ZFAND3: variants seen among roughly 807,000 people sequenced by gnomAD.
ZFAND3 encodes AN1-type zinc finger protein 3.
ZFAND3 carries 10 observed loss-of-function variants against 29.6 expected under a neutral mutation model. The ratio of observed to expected loss-of-function variants is 0.34; its 90% CI spans 0.21 to 0.57. The LOEUF (loss-of-function observed/expected upper bound fraction) is 0.57. Ranked by LOEUF, ZFAND3 falls within the 20% of genes least tolerant of loss-of-function variation. ZFAND3 has a pLI of 0.86. For synonymous variants in ZFAND3, 128 were observed against 112.6 expected, an observed-to-expected ratio of 1.14 and a Z score of -0.87; for missense variants, 230 against 304.5, an observed-to-expected ratio of 0.76 and a Z score of 1.82.
chr6:38,030,503 T>A (rs1195080408), intron 2 of ZFAND3, among the ~76,000 whole-genome samples: 2 of 152,110 alleles, frequency 1.3e-5, no homozygotes, highest in Non-Finnish European at 2.9e-5. Flanking sequence ...GGAACAATCA[T>A]AATATAGCTA....
At chr6:37,900,901 G>C (rs578109676) in intron 1 of ZFAND3, among the ~76,000 whole-genome samples, 10 of 152,268 alleles carry the variant, frequency 6.6e-5, no homozygotes, top group Middle Eastern at 3.4e-3. Context: ...TTTAAAATAG[G>C]ATATACCTTA....
chr6:38,132,961 C>T (rs1207620357), intron 5 of ZFAND3, among the ~76,000 whole-genome samples: 3 of 152,186 alleles, frequency 2.0e-5, no homozygotes, highest in African/African-American at 2.4e-5. Context: ...GCCCAGCTCC[C>T]GCAGTAACAA....
intron 4 of ZFAND3, among the ~76,000 whole-genome samples, chr6:38,091,722 C>CTG (rs1201906161): frequency 6.8e-6 from 1 of 146,542 alleles, no homozygotes; most frequent in Non-Finnish European, 1.5e-5. Flanking sequence ...CACTCAGTTC[C>CTG]TGGCTCTACT....
chr6:37,896,465 G>T (rs6905848), intron 1 of ZFAND3, among the ~76,000 whole-genome samples: 2 of 151,462 alleles, frequency 1.3e-5, no homozygotes, highest in African/African-American at 4.9e-5. Flanking sequence ...TACATTCTTT[G>T]TATCTGTGTT....
intron 4 of ZFAND3, among the ~76,000 whole-genome samples, chr6:38,103,484 C>CGTGT (rs1322614049): frequency 0.098 from 525 of 5,342 alleles, 4 homozygotes; most frequent in Middle Eastern, 0.38. Flanking sequence ...TATATACACA[C>CGTGT]ATATATACAC....
chr6:38,119,311 G>T (rs899783327), intron 5 of ZFAND3, among the ~76,000 whole-genome samples: 32 of 152,168 alleles, frequency 2.1e-4, no homozygotes, highest in Admixed American at 2.1e-3. Context: ...ATGTTTAACT[G>T]CCCTGAAAGG....
chr6:38,004,937 A>G (rs1353493077), intron 2 of ZFAND3, among the ~76,000 whole-genome samples: 1 of 152,118 alleles, frequency 6.6e-6, no homozygotes, highest in African/African-American at 2.4e-5. Context: ...AAAATGTTGA[A>G]CTAGAAAATC....
chr6:37,925,857 A>T (rs759562600), intron 1 of ZFAND3, among the ~76,000 whole-genome samples: 3 of 152,222 alleles, frequency 2.0e-5, no homozygotes, highest in Non-Finnish European at 4.4e-5. Flanking sequence ...AAACGTTGAG[A>T]TGTCAAATAG....
chr6:38,040,256 A>C (rs953861248), intron 2 of ZFAND3, among the ~76,000 whole-genome samples: 1 of 152,188 alleles, frequency 6.6e-6, no homozygotes, highest in Non-Finnish European at 1.5e-5. Flanking sequence ...AATTCATTAT[A>C]TATTTTTCAA....
intron 2 of ZFAND3, among the ~76,000 whole-genome samples, chr6:37,934,135 A>T (rs547041083): frequency 6.7e-6 from 1 of 150,098 alleles, no homozygotes; most frequent in South Asian, 2.1e-4. Context: ...TGATCCGCCC[A>T]CCTTGGCCTC....
intron 2 of ZFAND3, among the ~76,000 whole-genome samples, chr6:37,942,469 G>T (rs1761828451): frequency 6.6e-6 from 1 of 152,006 alleles, no homozygotes; most frequent in South Asian, 2.1e-4. Flanking sequence ...TTTTGAATTT[G>T]TTCATGTTTA....
At chr6:38,132,924 G>A (rs878971432) in intron 5 of ZFAND3, among the ~76,000 whole-genome samples, 1 of 152,196 alleles carries the variant, frequency 6.6e-6, no homozygotes, top group African/African-American at 2.4e-5. Flanking sequence ...TCACAGATTT[G>A]AGCACTGTGA....
chr6:37,880,064 A>G (rs1304823718), intron 1 of ZFAND3, among the ~76,000 whole-genome samples: 1 of 152,248 alleles, frequency 6.6e-6, no homozygotes, highest in African/African-American at 2.4e-5. Context: ...TAAAGCATTT[A>G]CTAACATGAA....
intron 2 of ZFAND3, among the ~76,000 whole-genome samples, chr6:38,049,289 G>A (rs1171360126): frequency 6.6e-6 from 1 of 152,206 alleles, no homozygotes; most frequent in Non-Finnish European, 1.5e-5. Flanking sequence ...AAGAGGAATA[G>A]CAATCATGGT....
intron 1 of ZFAND3, among the ~76,000 whole-genome samples, chr6:37,902,738 T>C (rs1309641954): frequency 3.7e-4 from 4 of 10,920 alleles, no homozygotes; most frequent in South Asian, 3.9e-3. Context: ...TTTTACTTAC[T>C]TTTTTTTTTT....
At position 38,153,441 on chromosome 6, in the gene ZFAND3, C is replaced by A; in HGVS notation, c.*1052C>A. On this transcript the variant is annotated 3_prime_UTR_variant, in exon 6 of 6. Transcript: ENST00000287218. ...CTCGTTTCTATGCAGCCCCATAGTCCAAGGACACCCAGTCCACATCTACCA... is the reference window on the plus strand; with the variant it reads ...CTCGTTTCTATGCAGCCCCATAGTCAAAGGACACCCAGTCCACATCTACCA... 5 of 985,516 alleles carry A rather than the reference C, an allele frequency of 5.1e-6. No individual in the cohort carries two copies. The highest frequency in any genetic ancestry group is 6.0e-6 in the Non-Finnish European group (5 of 830,026). The allele number at this position is 985,516 out of a possible 1,614,324, so 61.0% of individuals were successfully genotyped here. A position where few individuals can be genotyped will look rare whatever the true frequency, so the allele number is the denominator to read the frequency against.
At chr6:38,031,488 C>G (rs1381479487) in intron 2 of ZFAND3, among the ~76,000 whole-genome samples, 1 of 152,178 alleles carries the variant, frequency 6.6e-6, no homozygotes, top group African/African-American at 2.4e-5. Context: ...GTCCTGTCCT[C>G]AATTCATTAT....
chr6:38,139,026 A>G (rs1765898325), intron 5 of ZFAND3, among the ~76,000 whole-genome samples: 1 of 152,204 alleles, frequency 6.6e-6, no homozygotes, highest in South Asian at 2.1e-4. Context: ...ATGCTGGGTG[A>G]TTTTAGAGGA....
At chr6:38,122,775 A>G (rs1765559996) in intron 5 of ZFAND3, among the ~76,000 whole-genome samples, 1 of 152,240 alleles carries the variant, frequency 6.6e-6, no homozygotes, top group Non-Finnish European at 1.5e-5. Flanking sequence ...AGGTATAGGT[A>G]TAAGGTATAA....
Sources: allele counts gnomAD v4.1 joint callset (sites outside exome capture counted in the v4.1 genomes callset), GRCh38; gene constraint gnomAD v4.1.1; transcripts MANE v1.5; gene names NCBI Gene and HGNC (gene_info 2026-07-23, HGNC 2026-07-21).